The following LRRC4C variants were observed in gnomAD, a reference collection of about 807,000 sequenced individuals.
LRRC4C encodes leucine rich repeat containing 4C, also known as leucine-rich repeat-containing protein 4C.
Under a neutral mutation model 33.6 loss-of-function variants are expected in LRRC4C, and 5 were observed. The ratio of observed to expected loss-of-function variants is 0.15; its 90% CI spans 0.08 to 0.31. The LOEUF is 0.31. LRRC4C is among the 10% of genes least tolerant of loss of function. The pLI, the probability that LRRC4C is intolerant of heterozygous loss-of-function variation, is 1.00. For synonymous variants in LRRC4C, 329 were observed against 302.0 expected, an observed-to-expected ratio of 1.09 and a Z score of -0.93; for missense variants, 560 against 796.7, an observed-to-expected ratio of 0.70 and a Z score of 3.58.
intron 1 of LRRC4C, among the ~76,000 whole-genome samples, chr11:41,266,881 T>C (rs772955601): frequency 1.4e-4 from 21 of 152,134 alleles, no homozygotes; most frequent in Non-Finnish European, 2.6e-4. Flanking sequence ...ATGAAATATA[T>C]GCATGTTGTT....
chr11:40,615,015 G>A (rs546866386), intron 3 of LRRC4C, among the ~76,000 whole-genome samples: 2 of 151,508 alleles, frequency 1.3e-5, no homozygotes, highest in Admixed American at 6.6e-5. Flanking sequence ...AAGTGAGCAC[G>A]TGCTGTTGGA....
intron 3 of LRRC4C, among the ~76,000 whole-genome samples, chr11:40,534,324 C>CAT (rs745909136): frequency 6.0e-4 from 91 of 152,044 alleles, no homozygotes; most frequent in South Asian, 1.7e-3. Context: ...AATCTTATGG[C>CAT]ATATATATAT....
chr11:41,334,274 CAAG>C (rs1317103287), intron 1 of LRRC4C, among the ~76,000 whole-genome samples: 1 of 152,172 alleles, frequency 6.6e-6, no homozygotes, highest in African/African-American at 2.4e-5. Flanking sequence ...CTCGTCAGTT[CAAG>C]AAGATTTCCT....
At chr11:41,073,478 G>T (rs1439176859) in intron 1 of LRRC4C, among the ~76,000 whole-genome samples, 1 of 152,168 alleles carries the variant, frequency 6.6e-6, no homozygotes, top group African/African-American at 2.4e-5. Context: ...ACCACACTGG[G>T]GATTAAATTT....
intron 3 of LRRC4C, among the ~76,000 whole-genome samples, chr11:40,501,804 G>A (rs558824998): frequency 4.6e-5 from 7 of 152,250 alleles, no homozygotes; most frequent in South Asian, 2.1e-4. Flanking sequence ...ATTAACACTC[G>A]TCTCTGTGTT....
intron 4 of LRRC4C, among the ~76,000 whole-genome samples, chr11:40,284,058 T>C (rs1455942932): frequency 2.0e-5 from 3 of 152,128 alleles, no homozygotes; most frequent in African/African-American, 7.2e-5. Context: ...GCCAAATACA[T>C]ATAACAATAG....
At chr11:41,111,546 A>G (rs933430347) in intron 1 of LRRC4C, among the ~76,000 whole-genome samples, 1 of 152,066 alleles carries the variant, frequency 6.6e-6, no homozygotes, top group African/African-American at 2.4e-5. Context: ...AAGACGAGGA[A>G]AAAAGGTGGT....
At chr11:40,898,809 T>A (rs1167374941) in intron 2 of LRRC4C, among the ~76,000 whole-genome samples, 2 of 151,844 alleles carry the variant, frequency 1.3e-5, no homozygotes, top group Non-Finnish European at 2.9e-5. Flanking sequence ...CTCGTCCCAA[T>A]TAAACTGGAT....
chr11:40,630,335 CTTCTTCTTCTT>C (rs1963355409), intron 3 of LRRC4C, among the ~76,000 whole-genome samples: 1 of 13,250 alleles, frequency 7.5e-5, no homozygotes, highest in East Asian at 1.5e-3. Flanking sequence ...TCTTCCTCTT[CTTCTTCTTCTT>C]CTTCTTCTTC....
rs5791426 is a variant in LRRC4C at position 41,220,486 on chromosome 11, CT to C, written c.-496+238944del. On this transcript the variant is annotated intron_variant, in intron 1 of 6. Coordinates refer to ENST00000528697, the MANE Select transcript of LRRC4C (RefSeq NM_001258419.2). The stretch of plus-strand genomic sequence containing the variant: ...ATAGTGGATAATCTCTAGAAAACAG[CT>C]TTTTTTTTTTCAAATAATTATCCTC... 5.4e-4 allele frequency among the ~76,000 whole-genome samples: 78 copies of C among 144,380 alleles called. 1 individual carries two copies. The highest frequency in any genetic ancestry group is 1.9e-3 in the African/African-American group (75 of 39,258). The allele number at this position is 144,380 out of a possible 152,430, so 94.7% of individuals were successfully genotyped here.
chr11:40,827,899 G>T (rs528959792), intron 2 of LRRC4C, among the ~76,000 whole-genome samples: 7 of 151,718 alleles, frequency 4.6e-5, no homozygotes, highest in Non-Finnish European at 8.9e-5. Flanking sequence ...TGAGAAAGAG[G>T]CATGATCTTT....
In LRRC4C at chr11:41,214,780, CAT is replaced by C. The variant is rs35864327; in HGVS notation, c.-496+244649_-496+244650del. ...TAAAATATATATATATATATACACA[CAT>C]ATATATATGTGTGTATATATATGTG... On this transcript the variant is annotated intron_variant, in intron 1 of 6. Coordinates refer to ENST00000528697, the MANE Select transcript of LRRC4C (RefSeq NM_001258419.2). 9.8e-3 allele frequency among the ~76,000 whole-genome samples: 1,396 copies of C among 142,376 alleles called. 35 individuals are homozygous for C. The highest frequency in any genetic ancestry group is 0.035 in the African/African-American group (1,314 of 37,874). 93.4% of individuals were successfully genotyped at this position (142,376 alleles called of 152,430 possible). A position where few individuals can be genotyped will look rare whatever the true frequency, so the allele number is the denominator to read the frequency against.
intron 2 of LRRC4C, among the ~76,000 whole-genome samples, chr11:40,663,836 A>C (rs1943580450): frequency 6.6e-6 from 1 of 152,238 alleles, no homozygotes; most frequent in East Asian, 1.9e-4. Flanking sequence ...ACAGTGGAAG[A>C]TTTTAACACA....
chr11:40,965,923 G>C (rs1851326224), intron 1 of LRRC4C, among the ~76,000 whole-genome samples: 1 of 152,110 alleles, frequency 6.6e-6, no homozygotes, highest in Non-Finnish European at 1.5e-5. Context: ...TTGGTAGCTT[G>C]ATGGGGATGT....
chr11:40,540,993 G>A (rs1208624257), intron 3 of LRRC4C, among the ~76,000 whole-genome samples: 1 of 151,650 alleles, frequency 6.6e-6, no homozygotes, highest in African/African-American at 2.4e-5. Context: ...ACTCCTCAAA[G>A]CACCTATAGG....
chr11:41,399,661 A>T (rs1419159517), intron 1 of LRRC4C, among the ~76,000 whole-genome samples: 2 of 151,940 alleles, frequency 1.3e-5, no homozygotes, highest in African/African-American at 4.8e-5. Context: ...ACAAGAAGAG[A>T]ACATAAAACT....
chr11:40,559,856 A>G (rs751977461), intron 3 of LRRC4C, among the ~76,000 whole-genome samples: 13 of 152,126 alleles, frequency 8.5e-5, no homozygotes, highest in Non-Finnish European at 1.6e-4. Context: ...CTTGTTGGCC[A>G]CAAGATACAA....
chr11:40,330,093 T>C (rs1946291429), intron 3 of LRRC4C, among the ~76,000 whole-genome samples: 1 of 152,174 alleles, frequency 6.6e-6, no homozygotes, highest in Non-Finnish European at 1.5e-5. Flanking sequence ...CAATGAGTCA[T>C]ACCAGTCGGG....
At chr11:40,231,199 G>A (rs1865170737) in intron 5 of LRRC4C, among the ~76,000 whole-genome samples, 2 of 152,090 alleles carry the variant, frequency 1.3e-5, no homozygotes, top group African/African-American at 4.8e-5. Context: ...GTGACAGTTT[G>A]TCTCTTAAAT....
Sources: allele counts gnomAD v4.1 joint callset (sites outside exome capture counted in the v4.1 genomes callset), GRCh38; gene constraint gnomAD v4.1.1; transcripts MANE v1.5; gene names NCBI Gene and HGNC (gene_info 2026-07-23, HGNC 2026-07-21).